Variants in ELMO1 observed in about 807,000 individuals in gnomAD.
The protein encoded by ELMO1 is engulfment and cell motility protein 1.
ELMO1 carries 26 observed loss-of-function variants against 98.9 expected under a neutral mutation model. That is an observed-to-expected ratio of 0.26 (90% confidence interval 0.19 to 0.36). ELMO1 has a LOEUF of 0.36. ELMO1 is among the 10% of genes least tolerant of loss of function. The pLI is 1.00. For missense variants in ELMO1, 627 were observed against 935.2 expected (o/e 0.67, Z 4.30); for synonymous variants, 346 against 346.0 (o/e 1.00, Z 0.00).
chr7:37,044,554 C>G (rs1401226850), intron 15 of ELMO1, among the ~76,000 whole-genome samples: 1 of 152,160 alleles, frequency 6.6e-6, no homozygotes, highest in Admixed American at 6.5e-5. Flanking sequence ...CCCATGTGGA[C>G]GGCACTCTCT....
intron 1 of ELMO1, among the ~76,000 whole-genome samples, chr7:37,383,868 T>A (rs113192258): frequency 0.33 from 50,780 of 152,040 alleles, 8,971 homozygotes; most frequent in South Asian, 0.44. Flanking sequence ...CAGGCTGGAG[T>A]GCAGTGGCGC....
At chr7:37,330,495 G>A (rs1222277977) in intron 2 of ELMO1, among the ~76,000 whole-genome samples, 1 of 151,696 alleles carries the variant, frequency 6.6e-6, no homozygotes, top group Non-Finnish European at 1.5e-5. Flanking sequence ...TTTATTTGAG[G>A]GGCATATGTT....
At chr7:37,223,035 T>C (rs1563086784) in intron 9 of ELMO1, among the ~76,000 whole-genome samples, 1 of 152,154 alleles carries the variant, frequency 6.6e-6, no homozygotes, top group Non-Finnish European at 1.5e-5. Flanking sequence ...TATGTATGTA[T>C]GTGTATGTGT....
At chr7:37,080,832 T>C (rs551465448) in intron 15 of ELMO1, among the ~76,000 whole-genome samples, 4 of 152,014 alleles carry the variant, frequency 2.6e-5, no homozygotes, top group African/African-American at 9.7e-5. Flanking sequence ...TACTTTCTCA[T>C]GGCAAACACT....
At chr7:37,036,223 A>T (rs6950974) in intron 15 of ELMO1, among the ~76,000 whole-genome samples, 47,214 of 152,006 alleles carry the variant, frequency 0.31, 10,652 homozygotes, top group African/African-American at 0.64. Flanking sequence ...GAAAAAAAAA[A>T]CCATGCATAA....
At chr7:37,026,993 T>C (rs1284318223) in intron 15 of ELMO1, among the ~76,000 whole-genome samples, 2 of 152,172 alleles carry the variant, frequency 1.3e-5, no homozygotes, top group Non-Finnish European at 2.9e-5. Flanking sequence ...TTTCATTATG[T>C]TCCACTTCAG....
chr7:37,393,715 A>T (rs1803176100), intron 1 of ELMO1: 1 of 152,206 alleles, frequency 6.6e-6, no homozygotes, highest in African/African-American at 2.4e-5. Flanking sequence ...CCTGCTATCA[A>T]GCGGTGCCTG....
intron 13 of ELMO1, among the ~76,000 whole-genome samples, chr7:37,169,072 C>T (rs183813791): frequency 0.15 from 23,204 of 152,166 alleles, 2,353 homozygotes; most frequent in Non-Finnish European, 0.22. Flanking sequence ...GCCTCGCTGC[C>T]GACTTGCAGT....
At chr7:37,415,376 T>G (rs533739126) in intron 1 of ELMO1, among the ~76,000 whole-genome samples, 1 of 152,368 alleles carries the variant, frequency 6.6e-6, no homozygotes, top group Non-Finnish European at 1.5e-5. Flanking sequence ...AAGATGTCCC[T>G]ACATCTTCAA....
intron 6 of ELMO1, among the ~76,000 whole-genome samples, chr7:37,255,637 C>T (rs943210953): frequency 1.3e-5 from 2 of 152,082 alleles, no homozygotes; most frequent in Admixed American, 6.6e-5. Context: ...GTAAAGTAAC[C>T]GTAATTACAA....
chr7:36,932,209 C>T (rs58105895), intron 16 of ELMO1, among the ~76,000 whole-genome samples: 241 of 152,308 alleles, frequency 1.6e-3, no homozygotes, highest in African/African-American at 5.6e-3. Context: ...CCTCATGGTA[C>T]ATGGCTCAGT....
chr7:37,126,322 T>TATATATATAA (rs1786521498), intron 14 of ELMO1, among the ~76,000 whole-genome samples: 1 of 145,620 alleles, frequency 6.9e-6, no homozygotes, highest in Non-Finnish European at 1.5e-5. Flanking sequence ...TATATATATA[T>TATATATATAA]ATATATAAAA....
chr7:37,431,652 T>A (rs1008545896), intron 1 of ELMO1, among the ~76,000 whole-genome samples: 2 of 152,200 alleles, frequency 1.3e-5, no homozygotes, highest in Non-Finnish European at 2.9e-5. Flanking sequence ...CAGAAATGTA[T>A]TCTGTTAATC....
At chr7:37,193,585 C>A (rs1006560880) in intron 13 of ELMO1, among the ~76,000 whole-genome samples, 1 of 152,006 alleles carries the variant, frequency 6.6e-6, no homozygotes, top group East Asian at 1.9e-4. Flanking sequence ...CCTTGGTAAC[C>A]GGCAGCCTTC....
chr7:36,948,416 A>T (rs1412029825), intron 16 of ELMO1, among the ~76,000 whole-genome samples: 1 of 152,210 alleles, frequency 6.6e-6, no homozygotes, highest in Non-Finnish European at 1.5e-5. Context: ...GGCACTTGGC[A>T]TACATTGTCC....
intron 16 of ELMO1, among the ~76,000 whole-genome samples, chr7:36,919,797 C>T (rs1390124651): frequency 6.6e-6 from 1 of 152,144 alleles, no homozygotes; most frequent in African/African-American, 2.4e-5. Context: ...AATGGGAGCC[C>T]TTCCTGAACC....
At chr7:36,964,600 A>T (rs1435970626) in intron 16 of ELMO1, among the ~76,000 whole-genome samples, 2 of 152,200 alleles carry the variant, frequency 1.3e-5, no homozygotes, top group African/African-American at 4.8e-5. Context: ...TTAAGAATGA[A>T]GGGCCTTCCT....
intron 15 of ELMO1, among the ~76,000 whole-genome samples, chr7:37,026,484 T>A (rs926286199): frequency 1.3e-5 from 2 of 152,152 alleles, no homozygotes; most frequent in Non-Finnish European, 2.9e-5. Flanking sequence ...CCTTCAAAAG[T>A]CATTACCTTG....
chr7:37,295,017 C>T (rs1583482403), intron 4 of ELMO1, among the ~76,000 whole-genome samples: 1 of 151,302 alleles, frequency 6.6e-6, no homozygotes, highest in African/African-American at 2.4e-5. Flanking sequence ...AAAAAAAATT[C>T]ATCTCAAAAA....
Sources: allele counts gnomAD v4.1 joint callset (sites outside exome capture counted in the v4.1 genomes callset), GRCh38; gene constraint gnomAD v4.1.1; transcripts MANE v1.5; gene names NCBI Gene and HGNC (gene_info 2026-07-23, HGNC 2026-07-21).